FAXDC2: variants seen among roughly 807,000 people sequenced by gnomAD.
The protein encoded by FAXDC2 is fatty acid hydroxylase domain containing 2, also known as fatty acid hydroxylase domain-containing protein 2.
In FAXDC2, 41 loss-of-function variants were observed where a neutral mutation model predicts 40.9. The observed-to-expected ratio is 1.00, with a 90% CI of 0.78 to 1.30. The LOEUF is 1.30. Among genes scored for constraint, FAXDC2 ranks in the 50% most tolerant of loss-of-function variants. The pLI, the probability that FAXDC2 is intolerant of heterozygous loss-of-function variation, is 0.00. For synonymous variants in FAXDC2, 157 were observed against 149.3 expected, an observed-to-expected ratio of 1.05 and a Z score of -0.38; for missense variants, 390 against 408.8, an observed-to-expected ratio of 0.95 and a Z score of 0.40.
intron 4 of FAXDC2, among the ~76,000 whole-genome samples, chr5:154,833,212 A>G (rs1760236687): frequency 6.9e-6 from 1 of 145,318 alleles, no homozygotes; most frequent in Non-Finnish European, 1.5e-5. Context: ...CATTTTTTGT[A>G]CTTTTAGTAG....
chr5:154,823,634 G>A (rs1759944994), intron 5 of FAXDC2, 42 bp from the exon 6 acceptor site: 1 of 1,546,422 alleles, frequency 6.5e-7, no homozygotes, highest in African/African-American at 1.4e-5. Context: ...AAGAGTGTGA[G>A]AAGTAGGCTC....
In FAXDC2 at chr5:154,819,499, A is replaced by C. The variant is rs77412577; in HGVS notation, c.*817T>G. ...TAATTAGGGGTCTCGGGTGTCCCCA[A>C]AGGGCAGCAACTTTGACCCCTCCCC... On this transcript the variant is annotated 3_prime_UTR_variant, in exon 9 of 9. Coordinates refer to ENST00000326080, the MANE Select transcript of FAXDC2 (RefSeq NM_032385.5). 6.6e-6 allele frequency: 1 copy of C among 152,128 alleles called. No homozygotes were observed. The highest frequency in any genetic ancestry group is 2.4e-5 in the African/African-American group (1 of 41,434). 9.4% of individuals were successfully genotyped at this position (152,128 alleles called of 1,614,324 possible).
chr5:154,843,885 G>A (rs780977875), intron 1 of FAXDC2, among the ~76,000 whole-genome samples: 3 of 152,128 alleles, frequency 2.0e-5, no homozygotes, highest in Admixed American at 6.5e-5. Flanking sequence ...CAGCACTTTG[G>A]GAGGCTGAGG....
chr5:154,841,995 T>C (rs890893571), intron 1 of FAXDC2, among the ~76,000 whole-genome samples: 2 of 151,708 alleles, frequency 1.3e-5, no homozygotes, highest in African/African-American at 4.8e-5. Context: ...GCCTCGGCCT[T>C]CCAAAGTGCT....
chr5:154,843,855 G>C (rs1228972203), intron 1 of FAXDC2, among the ~76,000 whole-genome samples: 1 of 152,248 alleles, frequency 6.6e-6, no homozygotes, highest in Admixed American at 6.5e-5. Flanking sequence ...GCCAGGCACA[G>C]TGGCTCATGC....
chr5:154,822,834 G>A (rs1759924267), intron 6 of FAXDC2, among the ~76,000 whole-genome samples: 1 of 152,278 alleles, frequency 6.6e-6, no homozygotes, highest in South Asian at 2.1e-4. Flanking sequence ...AAATGAATGG[G>A]AAACTGCCCT....
chr5:154,840,992 C>A (rs947884069), intron 1 of FAXDC2, among the ~76,000 whole-genome samples: 14 of 152,154 alleles, frequency 9.2e-5, no homozygotes, highest in African/African-American at 3.4e-4. Flanking sequence ...AGTCCCATTA[C>A]AGCAGGAGGG....
At position 154,819,857 on chromosome 5, in the gene FAXDC2, CT is replaced by C; in HGVS notation, c.*458del. ...TGGCCTGAGTCGGGTATGTGAAAGCCTTTTGGGGCAGGAAGGGGCAAAGTGA... is the reference window on the plus strand; with the variant it reads ...TGGCCTGAGTCGGGTATGTGAAAGCCTTTGGGGCAGGAAGGGGCAAAGTGA... On this transcript the variant is annotated 3_prime_UTR_variant, in exon 9 of 9. Coordinates refer to ENST00000326080, the MANE Select transcript of FAXDC2 (RefSeq NM_032385.5). 1 of 156,860 alleles carries C rather than the reference CT, an allele frequency of 6.4e-6. No homozygotes were observed. Among genetic ancestry groups the C allele is most frequent in the Non-Finnish European group, 1.4e-5 (1 of 71,114 alleles). 9.7% of individuals were successfully genotyped at this position (156,860 alleles called of 1,614,324 possible). A position where few individuals can be genotyped will look rare whatever the true frequency, so the allele number is the denominator to read the frequency against.
chr5:154,847,874 C>G (rs1760637599), intron 1 of FAXDC2, among the ~76,000 whole-genome samples: 1 of 149,210 alleles, frequency 6.7e-6, no homozygotes, highest in Admixed American at 6.7e-5. Flanking sequence ...GAGTCTTGCT[C>G]TGTCACCCAG....
intron 5 of FAXDC2, among the ~76,000 whole-genome samples, chr5:154,827,553 C>T (rs1269621099): frequency 6.6e-6 from 1 of 151,268 alleles, no homozygotes; most frequent in Non-Finnish European, 1.5e-5. Flanking sequence ...GGCCAGGTTT[C>T]GCCAGCCTGT....
intron 1 of FAXDC2, among the ~76,000 whole-genome samples, chr5:154,841,357 T>C (rs144070805): frequency 6.6e-6 from 1 of 152,250 alleles, no homozygotes; most frequent in East Asian, 1.9e-4. Context: ...ATTCCTTCAC[T>C]CCAGGTTCTG....
At chr5:154,845,453 G>T (rs536476154) in intron 1 of FAXDC2, among the ~76,000 whole-genome samples, 1 of 152,074 alleles carries the variant, frequency 6.6e-6, no homozygotes, top group African/African-American at 2.4e-5. Context: ...GGAGTGTGCC[G>T]TCTTAAGAAC....
chr5:154,820,384 G>A lies in FAXDC2; in HGVS notation c.934C>T (p.His312Tyr). ...MFKQTKAYER[H>Y]VLLLGFTPLS... ...GGGGTGAAGCCCAGCAGGAGGACATGTCTCTCGTAGGCCTTGGTCTGCTTG... is the reference window on the plus strand; with the variant it reads ...GGGGTGAAGCCCAGCAGGAGGACATATCTCTCGTAGGCCTTGGTCTGCTTG... The change falls in exon 9 of 9, where the codon CAT becomes TAT. Residue 312 changes from histidine (H) to tyrosine (Y), a missense_variant. By Grantham distance (83) the His-to-Tyr change is moderately conservative (BLOSUM62 2). Transcript: ENST00000326080. 1 of 1,613,226 alleles carries A rather than the reference G, an allele frequency of 6.2e-7. No individual in the cohort carries two copies. The highest frequency in any genetic ancestry group is 1.1e-5 in the South Asian group (1 of 91,068).
intron 5 of FAXDC2, among the ~76,000 whole-genome samples, chr5:154,829,177 AC>A (rs1366374573): frequency 2.0e-5 from 3 of 151,916 alleles, no homozygotes; most frequent in African/African-American, 7.3e-5. Context: ...ACAGGCATGA[AC>A]CACCACGCCC....
intron 5 of FAXDC2, 37 bp from the exon 6 acceptor site, chr5:154,823,629 T>C (rs1220206011): frequency 1.3e-6 from 2 of 1,564,418 alleles, no homozygotes; most frequent in Admixed American, 3.4e-5. Context: ...TGGATAAGAG[T>C]GTGAGAAGTA....
At chr5:154,848,181 A>T (rs1218624010) in intron 1 of FAXDC2, among the ~76,000 whole-genome samples, 1 of 152,112 alleles carries the variant, frequency 6.6e-6, no homozygotes, top group East Asian at 1.9e-4. Context: ...CATCACCTTT[A>T]TGTGAATGTG....
chr5:154,827,990 CA>C (rs1396043430), intron 5 of FAXDC2, among the ~76,000 whole-genome samples: 1 of 151,262 alleles, frequency 6.6e-6, no homozygotes, highest in African/African-American at 2.4e-5. Context: ...GCTGGGACTA[CA>C]GGCAAACGCC....
intron 1 of FAXDC2, among the ~76,000 whole-genome samples, chr5:154,848,213 T>C (rs1760649793): frequency 6.6e-6 from 1 of 152,202 alleles, no homozygotes; most frequent in Admixed American, 6.5e-5. Flanking sequence ...AAACAACTTG[T>C]AAAATTGTTG....
intron 4 of FAXDC2, among the ~76,000 whole-genome samples, chr5:154,832,590 C>G (rs1760221595): frequency 6.6e-6 from 1 of 152,158 alleles, no homozygotes; most frequent in Non-Finnish European, 1.5e-5. Flanking sequence ...TCCAAGGTGT[C>G]TACCTACTTG....
Sources: gnomAD v4.1 joint callset for allele counts (sites outside exome capture counted in the v4.1 genomes callset) on GRCh38, gnomAD v4.1.1 for gene constraint, MANE v1.5 for transcripts, NCBI Gene and HGNC (gene_info 2026-07-23, HGNC 2026-07-21) for gene names.